Variants in HECW2 observed in about 807,000 individuals in gnomAD.
HECW2 encodes E3 ubiquitin-protein ligase HECW2.
Under a neutral mutation model 175.2 loss-of-function variants are expected in HECW2, and 61 were observed. The observed-to-expected ratio is 0.35, with a 90% CI of 0.28 to 0.43. The LOEUF (loss-of-function observed/expected upper bound fraction) is 0.43, where lower values mean the gene tolerates loss of function less well. HECW2 is among the 20% of genes least tolerant of loss of function. The pLI is 1.00. For synonymous variants in HECW2, 671 were observed against 731.0 expected (o/e 0.92, Z 1.32); for missense variants, 1,524 against 2,000.5 (o/e 0.76, Z 4.54).
intron 2 of HECW2, among the ~76,000 whole-genome samples, chr2:196,357,405 C>T (rs114969558): frequency 4.6e-5 from 7 of 152,300 alleles, no homozygotes; most frequent in African/African-American, 1.7e-4. Context: ...TGTCTACCTC[C>T]ACCATGCTCT....
At chr2:196,485,894 C>T (rs766983661) in intron 1 of HECW2, among the ~76,000 whole-genome samples, 32 of 152,244 alleles carry the variant, frequency 2.1e-4, no homozygotes, top group Admixed American at 1.2e-3. Context: ...CATGGTACCA[C>T]GCATCTGTAG....
At chr2:196,460,214 A>G (rs1021076300) in intron 1 of HECW2, among the ~76,000 whole-genome samples, 3 of 152,232 alleles carry the variant, frequency 2.0e-5, no homozygotes, top group Admixed American at 1.3e-4. Context: ...GACTTGATGC[A>G]TTAGAGCCAC....
chr2:196,340,354 C>T (rs899259310), intron 3 of HECW2, among the ~76,000 whole-genome samples: 3 of 151,834 alleles, frequency 2.0e-5, no homozygotes, highest in Non-Finnish European at 2.9e-5. Context: ...CTCAGCACTT[C>T]GGGAGGCCAA....
chr2:196,388,083 G>C (rs1694401323), intron 2 of HECW2, among the ~76,000 whole-genome samples: 1 of 151,986 alleles, frequency 6.6e-6, no homozygotes, highest in Non-Finnish European at 1.5e-5. Context: ...TTGAGCCCAG[G>C]AGTTCAAGAC....
intron 10 of HECW2, among the ~76,000 whole-genome samples, chr2:196,311,518 C>T (rs1489591204): frequency 1.3e-5 from 2 of 152,108 alleles, no homozygotes; most frequent in Non-Finnish European, 2.9e-5. Context: ...CCTCAGCGGC[C>T]GGGTGCGGTG....
Position 196,319,071 on chromosome 2 carries a change from G to T in HECW2, c.1819C>A (p.Pro607Thr). The change falls in exon 9 of 29, where the codon CCT (proline) becomes ACT (threonine). Residue 607 changes from proline (P) to threonine (T), a missense_variant. Physicochemically the swap from Pro to Thr is conservative, Grantham distance 38 (BLOSUM62 -1). Transcript: ENST00000644978. Reference protein sequence around the residue: ...ETESLDQGSEPSQVSSETEPS... With the variant: ...ETESLDQGSETSQVSSETEPS... ...TCTGTTTCAGAGGACACCTGGGAAG[G>T]CTCAGAGCCCTGATCGAGAGACTCG... is the stretch of plus-strand genomic sequence containing the variant. 1 of 1,610,496 alleles carries T rather than the reference G, an allele frequency of 6.2e-7. No homozygotes were observed. The highest frequency in any genetic ancestry group is 8.5e-7 in the Non-Finnish European group (1 of 1,178,438).
chr2:196,324,997 G>T lies in HECW2; in HGVS notation c.724C>A (p.Pro242Thr). 6.3e-7 allele frequency: 1 copy of T among 1,582,556 alleles called. No homozygotes were observed. Among genetic ancestry groups the T allele is most frequent in the Non-Finnish European group, 8.6e-7 (1 of 1,168,922 alleles). ...RSTIISNTTN[P>T]IWHREKYSFF... ...CATCTTACCTCTCGGTGCCAAATTG[G>T]ATTGGTGGTGTTACTGATGATAGTA... is the stretch of plus-strand genomic sequence containing the variant. Residue 242 changes from proline to threonine, a missense_variant, in exon 6 of 29, where the codon CCA becomes ACA. This residue lies in a region of HECW2 where 95 missense variants were observed against 136.8 expected (regional missense o/e 0.69). Transcript: ENST00000644978.
chr2:196,470,368 G>A (rs1697147397), intron 1 of HECW2, among the ~76,000 whole-genome samples: 4 of 152,088 alleles, frequency 2.6e-5, no homozygotes, highest in Non-Finnish European at 5.9e-5. Flanking sequence ...TAGTAAGGCT[G>A]ATTTGTTAAC....
At chr2:196,303,520 G>A (rs1489557439) in intron 13 of HECW2, among the ~76,000 whole-genome samples, 2 of 152,158 alleles carry the variant, frequency 1.3e-5, no homozygotes, top group South Asian at 4.1e-4. Context: ...GTATTCAGCT[G>A]TCAATCCATC....
chr2:196,339,121 G>A (rs1216685433), intron 3 of HECW2, among the ~76,000 whole-genome samples: 1 of 152,198 alleles, frequency 6.6e-6, no homozygotes, highest in African/African-American at 2.4e-5. Context: ...GATGGGGGAT[G>A]AAAAGCATTA....
At chr2:196,556,604 A>G (rs1308083306) in intron 1 of HECW2, among the ~76,000 whole-genome samples, 12 of 152,124 alleles carry the variant, frequency 7.9e-5, no homozygotes, top group Admixed American at 7.9e-4. Flanking sequence ...ACCAGACTGA[A>G]GCTCCAAATG....
intron 15 of HECW2, among the ~76,000 whole-genome samples, chr2:196,277,936 C>A (rs1421106334): frequency 8.5e-6 from 1 of 117,134 alleles, no homozygotes; most frequent in African/African-American, 3.3e-5. Context: ...AGTGAGAACA[C>A]TTGGACACAG....
intron 7 of HECW2, among the ~76,000 whole-genome samples, chr2:196,321,203 C>A (rs781776185): frequency 2.0e-5 from 3 of 152,084 alleles, no homozygotes; most frequent in Non-Finnish European, 4.4e-5. Flanking sequence ...GGGTCATATC[C>A]CAGATCTGGA....
chr2:196,242,481 G>A (rs16847894), intron 19 of HECW2: 98,386 of 400,384 alleles, frequency 0.25, 13,778 homozygotes, highest in East Asian at 0.43. Flanking sequence ...CTTTTCAGTC[G>A]AAACTAATAT....
In HECW2 at chr2:196,564,653, G is replaced by A. The variant is rs1575677318; in HGVS notation, c.-36+28855C>T. On this transcript the variant is annotated intron_variant, in intron 1 of 28. Coordinates refer to ENST00000644978, the MANE Select transcript of HECW2 (RefSeq NM_001348768.2). The stretch of plus-strand genomic sequence containing the variant: ...TAGAAGTTTTTTTAAATTAAAAATT[G>A]AGGGAAAGAGGAAATATTTTTAATT... Among the ~76,000 whole-genome samples, 3 of 151,868 alleles carry A rather than the reference G, an allele frequency of 2.0e-5. No individual in the cohort carries two copies. In the East Asian group the frequency reaches 5.8e-4, roughly 29 times the overall value.
At chr2:196,205,734 G>A (rs1204586530) in intron 28 of HECW2, among the ~76,000 whole-genome samples, 2 of 152,138 alleles carry the variant, frequency 1.3e-5, no homozygotes, top group Non-Finnish European at 2.9e-5. Context: ...CAGAAGGTTT[G>A]GGGTGGGCCT....
chr2:196,491,405 C>T (rs1166528494), intron 1 of HECW2, among the ~76,000 whole-genome samples: 2 of 140,052 alleles, frequency 1.4e-5, no homozygotes, highest in East Asian at 2.0e-4. Flanking sequence ...CACACACACA[C>T]ACGTGTGTAT....
At chr2:196,420,631 C>T (rs917499147) in intron 2 of HECW2, among the ~76,000 whole-genome samples, 3 of 152,172 alleles carry the variant, frequency 2.0e-5, no homozygotes, top group Admixed American at 6.5e-5. Context: ...AAATTGTAAA[C>T]TTCACCTGTG....
chr2:196,480,911 T>C (rs79637031), intron 1 of HECW2, among the ~76,000 whole-genome samples: 16 of 152,344 alleles, frequency 1.1e-4, no homozygotes, highest in Admixed American at 2.6e-4. Context: ...CATACATGCA[T>C]TGTACTTGTT....
Sources: gnomAD v4.1 joint callset for allele counts (sites outside exome capture counted in the v4.1 genomes callset) on GRCh38, gnomAD v4.1.1 for gene constraint, gnomAD v4.1.1 regional missense constraint, MANE v1.5 for transcripts, NCBI Gene and HGNC (gene_info 2026-07-23, HGNC 2026-07-21) for gene names.